SCARF2: variants seen among roughly 807,000 people sequenced by gnomAD.
SCARF2 encodes the protein scavenger receptor expressed by endothelial cells 2 protein.
SCARF2 carries 39 observed loss-of-function variants against 73.4 expected under a neutral mutation model. That is an observed-to-expected ratio of 0.53 (90% CI 0.41 to 0.69). The LOEUF is 0.69. SCARF2 is among the 30% of genes least tolerant of loss of function. The probability of loss-of-function intolerance (pLI) is 0.00; values close to 1 mark genes in which losing one functional copy is unlikely to be tolerated. For synonymous variants in SCARF2, 605 were observed against 590.0 expected (o/e 1.03, Z -0.37); for missense variants, 1,148 against 1,303.5 (o/e 0.88, Z 1.84).
chr22:20,431,082 A>G lies in SCARF2; in HGVS notation c.790T>C (p.Tyr264His). ...GGCTCGCGACAGTACTTGCCGCGGT[A>G]GCCCGGCTCGCAGGCACACGTGCCG... ...VDGTCACEPG[Y>H]RGKYCREPCP... The change falls in exon 4 of 11, where the codon TAC (tyrosine) becomes CAC (histidine). Residue 264 changes from tyrosine (Y) to histidine (H), a missense_variant. By Grantham distance (83) the Tyr-to-His change is moderately conservative. Around this residue, in one of 5 missense-constraint regions of SCARF2, gnomAD observed 372 missense variants for 532.0 expected, o/e 0.70. Coordinates refer to ENST00000622235, the MANE Select transcript of SCARF2 (RefSeq NM_182895.5). The G allele has an allele frequency of 6.5e-7, 1 of 1,547,838 alleles. No homozygotes were observed. The highest frequency in any genetic ancestry group is 8.7e-7 in the Non-Finnish European group (1 of 1,153,684).
At chr22:20,436,687 C>T (rs1470082238) in intron 1 of SCARF2, among the ~76,000 whole-genome samples, 1 of 152,168 alleles carries the variant, frequency 6.6e-6, no homozygotes, top group Non-Finnish European at 1.5e-5. Flanking sequence ...GCCCGTGCGG[C>T]GTCTCCAATC....
In SCARF2 at chr22:20,437,800, G is replaced by C. The variant is rs1186307544; in HGVS notation, c.-46C>G. 1.2e-6 allele frequency: 1 copy of C among 805,476 alleles called. No individual in the cohort carries two copies. The highest frequency in any genetic ancestry group is 1.2e-4 in the East Asian group (1 of 8,028). The allele number at this position is 805,476 out of a possible 1,614,324, so 49.9% of individuals were successfully genotyped here. On this transcript the variant is annotated 5_prime_UTR_variant, in exon 1 of 11. Coordinates refer to ENST00000622235, the MANE Select transcript of SCARF2 (RefSeq NM_182895.5). ...GGCGGGCACGGGCGCGGGTGCGGCC[G>C]CAGCGAGAGCGGCCGGAAGCGGAGT... is the stretch of plus-strand genomic sequence containing the variant.
Position 20,425,719 on chromosome 22 carries a change from G to T in SCARF2, c.2257C>A (p.Pro753Thr). ...ARGRGPGLLEPTDAGGPPRSA... is the reference protein window; with the variant it reads ...ARGRGPGLLETTDAGGPPRSA... Reference sequence around the variant, plus strand: ...CGCGGGGGACCGCCGGCGTCCGTGGGCTCCAAGAGGCCGGGGCCGCGGCCC... The same window carrying T: ...CGCGGGGGACCGCCGGCGTCCGTGGTCTCCAAGAGGCCGGGGCCGCGGCCC... Residue 753 changes from proline to threonine, a missense_variant, in exon 11 of 11, where the codon CCC becomes ACC. Around this residue, in one of 5 missense-constraint regions of SCARF2, gnomAD observed 46 missense variants for 80.6 expected, o/e 0.57. Coordinates refer to ENST00000622235, the MANE Select transcript of SCARF2 (RefSeq NM_182895.5). The surrounding 1 kb of genome is among the most constrained non-coding windows in gnomAD (Gnocchi z 4.6). The T allele has an allele frequency of 8.2e-7, 1 of 1,226,674 alleles. No homozygotes were observed. Among genetic ancestry groups the T allele is most frequent in the Non-Finnish European group, 1.0e-6 (1 of 986,658 alleles). The allele number at this position is 1,226,674 out of a possible 1,614,324, so 76.0% of individuals were successfully genotyped here. A position where few individuals can be genotyped will look rare whatever the true frequency, so the allele number is the denominator to read the frequency against.
chr22:20,430,882 G>C lies in SCARF2; in HGVS notation c.881C>G (p.Pro294Arg), dbSNP rs1257494663. The C allele has an allele frequency of 2.5e-6, 4 of 1,602,350 alleles. No homozygotes were observed. The highest frequency in any genetic ancestry group is 2.5e-6 in the Non-Finnish European group (3 of 1,177,518). The stretch of plus-strand genomic sequence containing the variant: ...GCAGCGGCCCTCGGCCACCGTGCAC[G>C]GCTGCTGGCCCTTGCACTGGCCACA... ...RRCGQCKGQQPCTVAEGRCLT... is the reference protein window; with the variant it reads ...RRCGQCKGQQRCTVAEGRCLT... Residue 294 changes from proline (P) to arginine (R), a missense_variant, in exon 5 of 11, where the codon CCG becomes CGG. Coordinates refer to ENST00000622235, the MANE Select transcript of SCARF2 (RefSeq NM_182895.5).
intron 1 of SCARF2, among the ~76,000 whole-genome samples, chr22:20,435,988 C>T (rs187232409): frequency 6.6e-6 from 1 of 152,372 alleles, no homozygotes; most frequent in East Asian, 1.9e-4. Context: ...ATGACCCAGA[C>T]CCCAGGTGGG....
In SCARF2 at chr22:20,425,604, T is replaced by C; in HGVS notation, c.2372A>G (p.Gln791Arg). Reference protein sequence around the residue: ...LGRAEVALGAQGPREKPAPPQ... With the variant: ...LGRAEVALGARGPREKPAPPQ... ...GGGCGCCGGCTTTTCCCTGGGGCCC[T>C]GCGCGCCCAGGGCCACCTCGGCGCG... Residue 791 changes from glutamine (Q) to arginine (R), a missense_variant, in exon 11 of 11, where the codon CAG becomes CGG. Coordinates refer to ENST00000622235, the MANE Select transcript of SCARF2 (RefSeq NM_182895.5). The surrounding 1 kb of genome is among the most constrained non-coding windows in gnomAD (Gnocchi z 4.6). 1 of 1,331,430 alleles carries C rather than the reference T, an allele frequency of 7.5e-7. No individual in the cohort carries two copies. The highest frequency in any genetic ancestry group is 9.6e-7 in the Non-Finnish European group (1 of 1,044,012). 82.5% of individuals were successfully genotyped at this position (1,331,430 alleles called of 1,614,324 possible). A position where few individuals can be genotyped will look rare whatever the true frequency, so the allele number is the denominator to read the frequency against.
Position 20,425,871 on chromosome 22 carries a change from C to G in SCARF2, c.2105G>C (p.Ser702Thr). 1 of 1,596,974 alleles carries G rather than the reference C, an allele frequency of 6.3e-7. No individual in the cohort carries two copies. The highest frequency in any genetic ancestry group is 8.5e-7 in the Non-Finnish European group (1 of 1,174,866). ...PSPSKRKRTP[S>T]DKSAHTVEHG... The stretch of plus-strand genomic sequence containing the variant: ...TTCGACCGTATGCGCCGATTTGTCG[C>G]TGGGCGTCCGTTTCCTCTTGCTGGG... The change falls in exon 11 of 11, where the codon AGC becomes ACC. Residue 702 changes from serine to threonine, a missense_variant. By Grantham distance (58) the Ser-to-Thr change is moderately conservative. Coordinates refer to ENST00000622235, the MANE Select transcript of SCARF2 (RefSeq NM_182895.5). The surrounding 1 kb of genome is among the most constrained non-coding windows in gnomAD (Gnocchi z 4.6).
chr22:20,429,891 C>A lies in SCARF2; in HGVS notation c.1203-58G>T, dbSNP rs1373077756. ...CCGCCCCCCTAGGATGCCCCCTACC[C>A]TCACCCCTCACCCGCGGCCAGGGCC... On this transcript the variant is annotated intron_variant, in intron 6 of 10. Coordinates refer to ENST00000622235, the MANE Select transcript of SCARF2 (RefSeq NM_182895.5). The surrounding 1 kb of genome is among the most constrained non-coding windows in gnomAD (Gnocchi z 5.2). The A allele has an allele frequency of 6.6e-7, 1 of 1,513,130 alleles. No homozygotes were observed. The highest frequency in any genetic ancestry group is 2.4e-5 in the East Asian group (1 of 42,112). The allele number at this position is 1,513,130 out of a possible 1,614,324, so 93.7% of individuals were successfully genotyped here.
rs76953927 is a variant in SCARF2 at position 20,427,886 on chromosome 22, C to T, written c.1541-336G>A. The stretch of plus-strand genomic sequence containing the variant: ...GAAGACACCTGGCTGGGACAGGCCA[C>T]CAAGGCCTCCAAGCTCTGTTTTAGG... On this transcript the variant is annotated intron_variant, in intron 9 of 10. Transcript: ENST00000622235. Among the ~76,000 whole-genome samples the T allele has an allele frequency of 6.2e-3, 948 of 152,332 alleles. 8 individuals carry two copies. The highest frequency in any genetic ancestry group is 0.01 in the Non-Finnish European group (684 of 68,032).
Position 20,425,795 on chromosome 22 carries a change from G to A in SCARF2, c.2181C>T (p.Pro727=). 2 of 1,468,306 alleles carry A rather than the reference G, an allele frequency of 1.4e-6. No individual in the cohort carries two copies. The highest frequency in any genetic ancestry group is 1.8e-6 in the Non-Finnish European group (2 of 1,114,350). 91.0% of individuals were successfully genotyped at this position (1,468,306 alleles called of 1,614,324 possible). Residue 727 remains proline (P), a synonymous_variant, in exon 11 of 11, where the codon CCC becomes CCT. Transcript: ENST00000622235. This position sits in a 1 kb window ranked among gnomAD's most constrained non-coding sequence, Gnocchi z 4.6. ...GCGCAGCGAGGGCTGTCGCCTCCTC[G>A]GGCAGCCCGGGGGGCCGCGGCGTTG... ...RDPTPRPPGL[P]EEATALAAPS... is the part of the protein sequence containing the mutation.
intron 6 of SCARF2, among the ~76,000 whole-genome samples, chr22:20,430,115 G>T (rs1480804900): frequency 6.6e-6 from 1 of 152,220 alleles, no homozygotes; most frequent in African/African-American, 2.4e-5. Flanking sequence ...ACTCGGCTAG[G>T]TGGGAAGAGG....
chr22:20,436,929 G>C (rs2052706788), intron 1 of SCARF2, among the ~76,000 whole-genome samples: 1 of 152,150 alleles, frequency 6.6e-6, no homozygotes, highest in South Asian at 2.1e-4. Flanking sequence ...CATTTGCGCG[G>C]CCCCTTCTTG....
chr22:20,425,309 G>T lies in SCARF2; in HGVS notation c.*66C>A. On this transcript the variant is annotated 3_prime_UTR_variant, in exon 11 of 11. Coordinates refer to ENST00000622235, the MANE Select transcript of SCARF2 (RefSeq NM_182895.5). The surrounding 1 kb of genome is among the most constrained non-coding windows in gnomAD (Gnocchi z 4.6). The stretch of plus-strand genomic sequence containing the variant: ...GAGGCCGCCCGTGCCCGGTAGCGTG[G>T]GAGGTGTGGGGTGGCGGGCGGCGCT... The T allele has an allele frequency of 7.9e-7, 1 of 1,266,462 alleles. No individual in the cohort carries two copies. Among genetic ancestry groups the T allele is most frequent in the Non-Finnish European group, 1.0e-6 (1 of 987,252 alleles). 78.5% of individuals were successfully genotyped at this position (1,266,462 alleles called of 1,614,324 possible). A position where few individuals can be genotyped will look rare whatever the true frequency, so the allele number is the denominator to read the frequency against.
chr22:20,437,514 C>T (rs1293181903), intron 1 of SCARF2, 68 bp downstream of exon 1: 6 of 1,488,142 alleles, frequency 4.0e-6, no homozygotes, highest in Non-Finnish European at 5.4e-6. Context: ...CCTCCCAATG[C>T]CCGGCGCCGC....
At position 20,431,469 on chromosome 22, in the gene SCARF2, C is replaced by T. The variant is rs868848790; in HGVS notation, c.403G>A (p.Glu135Lys). The T allele has an allele frequency of 1.3e-6, 2 of 1,566,994 alleles. No individual in the cohort carries two copies. The highest frequency in any genetic ancestry group is 1.7e-6 in the Non-Finnish European group (2 of 1,164,970). ...LCSCHPHGQCEDVTGQCTCHA... is the reference protein window; with the variant it reads ...LCSCHPHGQCKDVTGQCTCHA... ...CAAGTACACTGGCCTGTCACGTCCT[C>T]GCACTGCCCGTGTGGGTGGCAGCTA... Residue 135 changes from glutamate (E) to lysine (K), a missense_variant, in exon 4 of 11, where the codon GAG (glutamate) becomes AAG (lysine). Transcript: ENST00000622235.
In SCARF2 at chr22:20,431,784, G is replaced by A. The variant is rs1442410839; in HGVS notation, c.295C>T (p.Arg99Cys). 6.3e-7 allele frequency: 1 copy of A among 1,592,968 alleles called. No homozygotes were observed. The highest frequency in any genetic ancestry group is 8.5e-7 in the Non-Finnish European group (1 of 1,171,152). ...GCACCGAAGTAGCCGTGGCGGCAGC[G>A]GCACTCGCCAGGCCTCACGCACACC... ...NEVCVRPGEC[R>C]CRHGYFGANC... Residue 99 changes from arginine (R) to cysteine (C), a missense_variant, in exon 3 of 11, where the codon CGC (arginine) becomes TGC (cysteine). Coordinates refer to ENST00000622235, the MANE Select transcript of SCARF2 (RefSeq NM_182895.5).
Position 20,429,643 on chromosome 22 carries a change from C to G in SCARF2, c.1317G>C (p.Gln439His), listed in dbSNP as rs778109216. ...CGCCCGCGCCCATCACGCCCTTGCG[C>G]TGGTTGGTTTCTGTAGGGGGTTATG... ...VTGACHLETN[Q>H]RKGVMGAGAL... Residue 439 changes from glutamine to histidine, a missense_variant, in exon 8 of 11, where the codon CAG becomes CAC. Transcript: ENST00000622235. The surrounding 1 kb of genome is among the most constrained non-coding windows in gnomAD (Gnocchi z 5.2). The G allele has an allele frequency of 1.2e-6, 2 of 1,613,934 alleles. No individual in the cohort carries two copies. Among genetic ancestry groups the G allele is most frequent in the Middle Eastern group, 1.6e-4 (1 of 6,062 alleles).
Position 20,432,370 on chromosome 22 carries a change from G to T in SCARF2, c.174-382C>A, listed in dbSNP as rs550835323. On this transcript the variant is annotated intron_variant, in intron 1 of 10. Coordinates refer to ENST00000622235, the MANE Select transcript of SCARF2 (RefSeq NM_182895.5). ...AGGGTCTAGGGCATCCCTCCAAGTGGAGGGCCCAGCCTAATGGGTGTCATG... is the reference window on the plus strand; with the variant it reads ...AGGGTCTAGGGCATCCCTCCAAGTGTAGGGCCCAGCCTAATGGGTGTCATG... 4.6e-5 allele frequency among the ~76,000 whole-genome samples: 7 copies of T among 152,340 alleles called. No homozygotes were observed. The South Asian group carries it at 1.5e-3, about 32-fold the overall frequency.
Position 20,429,301 on chromosome 22 carries a change from T to C in SCARF2, c.1464A>G (p.Leu488=). The change falls in exon 9 of 11, where the codon CTA becomes CTG. Residue 488 remains leucine, a synonymous_variant. Transcript: ENST00000622235. This position sits in a 1 kb window ranked among gnomAD's most constrained non-coding sequence, Gnocchi z 5.2. ...TGCTGATGCGACTGAAGCGCCCGCA[T>C]AGTCGGTGCGGCGCCTTCTTCCTCC... ...SLGRKKAPHR[L]CGRFSRISMK... The C allele has an allele frequency of 1.2e-6, 2 of 1,612,938 alleles. No homozygotes were observed. Among genetic ancestry groups the C allele is most frequent in the Non-Finnish European group, 1.7e-6 (2 of 1,179,906 alleles).
Sources: allele counts gnomAD v4.1 joint callset (sites outside exome capture counted in the v4.1 genomes callset), GRCh38; gene constraint gnomAD v4.1.1; regional missense constraint gnomAD v4.1.1; non-coding constraint Gnocchi (gnomAD v3.1); transcripts MANE v1.5; gene names NCBI Gene and HGNC (gene_info 2026-07-23, HGNC 2026-07-21).